NBEA: variants seen among roughly 807,000 people sequenced by gnomAD.
The protein encoded by NBEA is lysosomal-trafficking regulator 2.
A neutral mutation model predicts 343.4 loss-of-function variants in NBEA; 44 were observed. That is an observed-to-expected ratio of 0.13 (90% CI 0.10 to 0.16). NBEA has a LOEUF of 0.16. NBEA is among the 10% of genes least tolerant of loss of function. NBEA has a pLI of 1.00. For synonymous variants in NBEA, 1,175 were observed against 1,238.7 expected (o/e 0.95, Z 1.08); for missense variants, 2,555 against 3,631.3 (o/e 0.70, Z 7.62).
At chr13:35,288,576 T>C (rs772818435) in intron 34 of NBEA, among the ~76,000 whole-genome samples, 2 of 151,978 alleles carry the variant, frequency 1.3e-5, no homozygotes, top group Non-Finnish European at 2.9e-5. Context: ...ATTTTTCTTA[T>C]GATGGAATGA....
At chr13:35,423,336 A>G (rs2044423712) in intron 38 of NBEA, among the ~76,000 whole-genome samples, 1 of 152,192 alleles carries the variant, frequency 6.6e-6, no homozygotes, top group Admixed American at 6.5e-5. Context: ...ATAAGGTGTA[A>G]GGAAGGGATC....
intron 48 of NBEA, among the ~76,000 whole-genome samples, chr13:35,615,186 A>T (rs1191015735): frequency 2.0e-5 from 3 of 149,882 alleles, no homozygotes; most frequent in Admixed American, 6.7e-5. Context: ...AGTCCCAGTT[A>T]CTCGGGAGGC....
intron 10 of NBEA, among the ~76,000 whole-genome samples, chr13:35,072,940 T>C (rs1039048786): frequency 1.3e-5 from 2 of 152,336 alleles, no homozygotes; most frequent in South Asian, 2.1e-4. Context: ...AATTCCAGGC[T>C]ACCCTGTGAT....
intron 10 of NBEA, among the ~76,000 whole-genome samples, chr13:35,074,352 A>G (rs1031200842): frequency 1.3e-5 from 2 of 152,180 alleles, no homozygotes; most frequent in South Asian, 2.1e-4. Context: ...TATGTTTTTA[A>G]GAACATGGGT....
At chr13:35,541,514 T>C (rs2078822818) in intron 41 of NBEA, among the ~76,000 whole-genome samples, 1 of 152,194 alleles carries the variant, frequency 6.6e-6, no homozygotes, top group Admixed American at 6.5e-5. Flanking sequence ...TCACTGCTTA[T>C]AGTGAGACTG....
chr13:35,357,563 T>C (rs184296693), intron 38 of NBEA, among the ~76,000 whole-genome samples: 87 of 152,234 alleles, frequency 5.7e-4, no homozygotes, highest in African/African-American at 1.9e-3. Context: ...GGTTTTCTGT[T>C]CCTGTGTTAG....
intron 34 of NBEA, among the ~76,000 whole-genome samples, chr13:35,254,439 T>C (rs771214140): frequency 4.0e-5 from 6 of 150,860 alleles, no homozygotes; most frequent in East Asian, 2.0e-4. Context: ...TCATCCAGCC[T>C]CAGCCTAGCC....
chr13:35,658,674 A>T (rs17052561), intron 55 of NBEA, among the ~76,000 whole-genome samples: 9,630 of 152,264 alleles, frequency 0.063, 335 homozygotes, highest in South Asian at 0.1. Context: ...TACTTTAAGG[A>T]TTCGTAAAAT....
At chr13:35,163,630 A>AAT (rs929243831) in intron 23 of NBEA, among the ~76,000 whole-genome samples, 28 of 152,172 alleles carry the variant, frequency 1.8e-4, no homozygotes, top group African/African-American at 6.7e-4. Context: ...AAAAAAAAAA[A>AAT]AAATTATATT....
chr13:35,396,825 G>T lies in NBEA; in HGVS notation c.6180-35444G>T, dbSNP rs1236055054. Among the ~76,000 whole-genome samples the T allele has an allele frequency of 2.6e-5, 4 of 152,094 alleles. No individual in the cohort carries two copies. The East Asian group carries it at 7.7e-4, about 29-fold the overall frequency. On this transcript the variant is annotated intron_variant, in intron 38 of 58. Transcript: ENST00000379939. The stretch of plus-strand genomic sequence containing the variant: ...AAACCGGAAGTAGAACTCGAACTAG[G>T]AGTAATTTTTCATTCATTCCTGTCC...
rs796588117 is a variant in NBEA, at chr13:35,301,895, G to A, written c.5839-7633G>A. On this transcript the variant is annotated intron_variant, in intron 35 of 58. Transcript: ENST00000379939. ...TCGCCATTCTAACTGGCATGAGATG[G>A]TATCTCATGAGAGCCCACAATATGT... 3.6e-4 allele frequency among the ~76,000 whole-genome samples: 55 copies of A among 152,234 alleles called. 1 individual carries two copies. Among genetic ancestry groups the A allele is most frequent in the African/African-American group, 1.3e-3 (52 of 41,552 alleles).
intron 16 of NBEA, 103 bp downstream of exon 16, chr13:35,118,577 T>C: frequency 2.3e-6 from 2 of 863,860 alleles, no homozygotes; most frequent in Non-Finnish European, 3.5e-6. Flanking sequence ...TATAGCAAAG[T>C]CTTGCACATA....
At chr13:35,236,614 ATATTTTTTTTTTTTTG>A (rs1482714274) in intron 34 of NBEA, among the ~76,000 whole-genome samples, 2 of 147,966 alleles carry the variant, frequency 1.4e-5, no homozygotes, top group African/African-American at 2.5e-5. Flanking sequence ...GCCCAGATAT[ATATTTTTTTTTTTTTG>A]TATTTTTAGT....
chr13:35,044,945 A>G lies in NBEA; in HGVS notation c.527-2A>G. On this transcript the variant is annotated splice_acceptor_variant, in intron 2 of 58. Transcript: ENST00000379939. LOFTEE classifies it high-confidence loss of function. ...TCAGAATAACTTTATTTTCCTTTGA[A>G]GATCTTCTAGTTGATATGTTGGGGG... The G allele has an allele frequency of 6.2e-7, 1 of 1,606,448 alleles. No individual in the cohort carries two copies. Among genetic ancestry groups the G allele is most frequent in the East Asian group, 2.2e-5 (1 of 44,620 alleles).
intron 41 of NBEA, among the ~76,000 whole-genome samples, chr13:35,496,609 G>A (rs1313473080): frequency 2.2e-5 from 3 of 139,434 alleles, no homozygotes; most frequent in African/African-American, 8.1e-5. Context: ...ACTCCAGCCT[G>A]GGTTACAGAG....
intron 30 of NBEA, among the ~76,000 whole-genome samples, chr13:35,188,084 G>C (rs554827134): frequency 1.7e-4 from 26 of 151,610 alleles, no homozygotes; most frequent in African/African-American, 5.6e-4. Context: ...CTTCTATTCA[G>C]TGCTTTGTTT....
At chr13:35,620,165 C>T (rs1164261477) in intron 48 of NBEA, among the ~76,000 whole-genome samples, 1 of 151,978 alleles carries the variant, frequency 6.6e-6, no homozygotes, top group Non-Finnish European at 1.5e-5. Flanking sequence ...GGATCCCTGC[C>T]GTCCTGGAGC....
At chr13:35,119,814 C>T (rs2066697153) in intron 16 of NBEA, among the ~76,000 whole-genome samples, 2 of 152,210 alleles carry the variant, frequency 1.3e-5, no homozygotes, top group South Asian at 4.1e-4. Context: ...TGGTCTCCAT[C>T]TCCTGACCTT....
At chr13:35,212,932 C>T (rs1488827261) in intron 33 of NBEA, among the ~76,000 whole-genome samples, 4 of 151,360 alleles carry the variant, frequency 2.6e-5, no homozygotes. Flanking sequence ...AGATTATATG[C>T]CATACATATA....
Sources: allele counts gnomAD v4.1 joint callset (sites outside exome capture counted in the v4.1 genomes callset), GRCh38; gene constraint gnomAD v4.1.1; transcripts MANE v1.5; gene names NCBI Gene and HGNC (gene_info 2026-07-23, HGNC 2026-07-21).